Variants in WWOX observed in about 807,000 individuals in gnomAD.
The protein encoded by WWOX is WW domain containing oxidoreductase, also known as WW domain-containing oxidoreductase.
A neutral mutation model predicts 46.2 loss-of-function variants in WWOX; 69 were observed. The observed-to-expected ratio is 1.49, with a 90% CI of 1.23 to 1.82. WWOX has a LOEUF of 1.82. Among genes scored for constraint, WWOX ranks in the 40% most tolerant of loss-of-function variants. The pLI is 0.00. For missense variants in WWOX, 919 were observed against 542.6 expected (o/e 1.69, Z -6.89); for synonymous variants, 359 against 202.6 (o/e 1.77, Z -6.56).
intron 8 of WWOX, among the ~76,000 whole-genome samples, chr16:78,644,812 G>C (rs753279622): frequency 6.6e-6 from 1 of 152,180 alleles, no homozygotes; most frequent in South Asian, 2.1e-4. Context: ...ACTATTATGA[G>C]TCAGGCTTAA....
At chr16:78,913,381 G>A (rs867669880) in intron 8 of WWOX, among the ~76,000 whole-genome samples, 1 of 151,894 alleles carries the variant, frequency 6.6e-6, no homozygotes, top group Non-Finnish European at 1.5e-5. Context: ...TGGACTGTTG[G>A]AAGACGAGAC....
intron 8 of WWOX, among the ~76,000 whole-genome samples, chr16:78,650,432 G>C (rs1574442): frequency 1.3e-5 from 2 of 151,970 alleles, no homozygotes; most frequent in African/African-American, 2.4e-5. Flanking sequence ...ATTGGTGTCC[G>C]TGTGCCTTGC....
At chr16:79,011,901 G>A (rs567467571) in intron 8 of WWOX, among the ~76,000 whole-genome samples, 9 of 152,096 alleles carry the variant, frequency 5.9e-5, no homozygotes, top group Non-Finnish European at 1.0e-4. Flanking sequence ...TGATCCTCCC[G>A]CCTCAGCCTC....
At chr16:78,499,499 G>GTA in intron 8 of WWOX, among the ~76,000 whole-genome samples, 1 of 152,146 alleles carries the variant, frequency 6.6e-6, no homozygotes, top group African/African-American at 2.4e-5. Flanking sequence ...TCCGTTCTTT[G>GTA]GCAACTAGCA....
At chr16:78,778,829 C>G (rs376205695) in intron 8 of WWOX, among the ~76,000 whole-genome samples, 1 of 152,166 alleles carries the variant, frequency 6.6e-6, no homozygotes, top group Admixed American at 6.5e-5. Flanking sequence ...TTCGCCAGCT[C>G]GTAAAGCCCC....
At chr16:79,018,401 T>C (rs931503049) in intron 8 of WWOX, among the ~76,000 whole-genome samples, 2 of 152,174 alleles carry the variant, frequency 1.3e-5, no homozygotes, top group African/African-American at 4.8e-5. Context: ...ATTTGTATAA[T>C]TTGTGAGCAA....
intron 5 of WWOX, among the ~76,000 whole-genome samples, chr16:78,320,230 A>G (rs947796926): frequency 3.9e-5 from 6 of 152,094 alleles, no homozygotes; most frequent in Non-Finnish European, 7.4e-5. Flanking sequence ...CAGAACTGAA[A>G]TTTTCTCTGG....
chr16:79,095,251 G>A (rs893215636), intron 8 of WWOX, among the ~76,000 whole-genome samples: 4 of 152,116 alleles, frequency 2.6e-5, no homozygotes, highest in Admixed American at 6.6e-5. Context: ...TTTATTTAGC[G>A]GGAGAAGACA....
At chr16:78,643,322 G>A (rs77850464) in intron 8 of WWOX, among the ~76,000 whole-genome samples, 13 of 152,264 alleles carry the variant, frequency 8.5e-5, no homozygotes, top group Admixed American at 5.9e-4. Flanking sequence ...AAAATCAACC[G>A]TGACAAGGTT....
intron 8 of WWOX, among the ~76,000 whole-genome samples, chr16:79,040,971 T>A (rs79612874): frequency 0.037 from 5,576 of 151,954 alleles, 140 homozygotes; most frequent in South Asian, 0.058. Context: ...GACAATGAGG[T>A]GGTTCCTGAA....
At chr16:78,872,044 T>G (rs922889058) in intron 8 of WWOX, among the ~76,000 whole-genome samples, 1 of 152,202 alleles carries the variant, frequency 6.6e-6, no homozygotes, top group African/African-American at 2.4e-5. Context: ...GGGCACAAAA[T>G]TTCTGTCAAC....
At position 78,945,947 on chromosome 16, in the gene WWOX, C is replaced by T. The variant is rs569191233; in HGVS notation, c.1057-265661C>T. 1.6e-4 allele frequency among the ~76,000 whole-genome samples: 24 copies of T among 152,240 alleles called. No homozygotes were observed. In the South Asian group the frequency reaches 3.9e-3, roughly 25 times the overall value. ...TCTCACCACGTAGTCATTTTCTCAT[C>T]CGTCTCTTCAGGCTAATAATCACCT... is the stretch of plus-strand genomic sequence containing the variant. On this transcript the variant is annotated intron_variant, in intron 8 of 8. Coordinates refer to ENST00000566780, the MANE Select transcript of WWOX (RefSeq NM_016373.4).
At chr16:78,141,557 A>G (rs1394937165) in intron 4 of WWOX, among the ~76,000 whole-genome samples, 2 of 151,660 alleles carry the variant, frequency 1.3e-5, no homozygotes, top group Non-Finnish European at 2.9e-5. Flanking sequence ...TAGGGGAGGA[A>G]AGGATTGTTC....
chr16:79,132,351 G>A (rs535945135), intron 8 of WWOX, among the ~76,000 whole-genome samples: 4 of 152,262 alleles, frequency 2.6e-5, no homozygotes, highest in African/African-American at 4.8e-5. Context: ...TGGGACTTCC[G>A]GTTGGTGGAT....
At chr16:78,876,396 A>G (rs1110888) in intron 8 of WWOX, among the ~76,000 whole-genome samples, 151,206 of 151,812 alleles carry the variant, frequency 1, 75,304 homozygotes, top group Middle Eastern at 1. Context: ...TGAATTTTCC[A>G]AGACTCTGTT....
chr16:78,138,105 G>A (rs1156452542), intron 4 of WWOX, among the ~76,000 whole-genome samples: 2 of 150,608 alleles, frequency 1.3e-5, no homozygotes, highest in Non-Finnish European at 3.0e-5. Context: ...TAAATGGCTC[G>A]CTGCATCCTC....
At chr16:78,540,140 T>C (rs1365023321) in intron 8 of WWOX, among the ~76,000 whole-genome samples, 3 of 151,700 alleles carry the variant, frequency 2.0e-5, no homozygotes, top group African/African-American at 7.3e-5. Flanking sequence ...AATTTCTGCC[T>C]GAGAGAGTGA....
At position 78,584,607 on chromosome 16, in the gene WWOX, A is replaced by G. The variant is rs188714496; in HGVS notation, c.1056+151855A>G. Among the ~76,000 whole-genome samples, 379 of 152,218 alleles carry G rather than the reference A, an allele frequency of 2.5e-3. 2 individuals carry two copies. Among genetic ancestry groups the G allele is most frequent in the Non-Finnish European group, 4.4e-3 (302 of 68,046 alleles). ...AGTGTTAGGCATGCTGTTGAGTGAAAGAAGACAGACTGTTACCAGAGGACA... is the reference window on the plus strand; with the variant it reads ...AGTGTTAGGCATGCTGTTGAGTGAAGGAAGACAGACTGTTACCAGAGGACA... On this transcript the variant is annotated intron_variant, in intron 8 of 8. Transcript: ENST00000566780.
chr16:79,117,201 C>T (rs925095096), intron 8 of WWOX, among the ~76,000 whole-genome samples: 1 of 152,028 alleles, frequency 6.6e-6, no homozygotes, highest in Non-Finnish European at 1.5e-5. Context: ...AGTAGAGACA[C>T]AATTTCACCG....
Sources: gnomAD v4.1 joint callset for allele counts (sites outside exome capture counted in the v4.1 genomes callset) on GRCh38, gnomAD v4.1.1 for gene constraint, MANE v1.5 for transcripts, NCBI Gene and HGNC (gene_info 2026-07-23, HGNC 2026-07-21) for gene names.